The following ZEB2 variants were observed in gnomAD, a reference collection of about 807,000 sequenced individuals.
ZEB2 encodes the protein zinc finger E-box binding homeobox 2.
A neutral mutation model predicts 99.9 loss-of-function variants in ZEB2; 6 were observed. The ratio of observed to expected loss-of-function variants is 0.06; its 90% CI spans 0.03 to 0.12. The LOEUF is 0.12. Among genes scored for constraint, ZEB2 ranks in the 10% least tolerant of loss-of-function variants. ZEB2 has a pLI of 1.00. For missense variants in ZEB2, 969 were observed against 1,502.8 expected, an observed-to-expected ratio of 0.64 and a Z score of 5.87; for synonymous variants, 517 against 542.5, an observed-to-expected ratio of 0.95 and a Z score of 0.65.
chr2:144,463,737 G>A (rs1366643724), intron 2 of ZEB2: 3 of 152,128 alleles, frequency 2.0e-5, no homozygotes, highest in South Asian at 2.1e-4. Context: ...GGAGGCTAAT[G>A]CAGGAGGATG....
intron 2 of ZEB2, among the ~76,000 whole-genome samples, chr2:144,500,391 A>C (rs1464534536): frequency 1.3e-5 from 2 of 152,222 alleles, no homozygotes; most frequent in East Asian, 3.8e-4. Context: ...GTAACTGTAC[A>C]ATTTTTTTCT....
At chr2:144,494,427 T>C (rs1333902210) in intron 2 of ZEB2, 1 of 152,216 alleles carries the variant, frequency 6.6e-6, no homozygotes, top group Non-Finnish European at 1.5e-5. Flanking sequence ...AAGGCAGACA[T>C]TTCAATCAAA....
intron 2 of ZEB2, among the ~76,000 whole-genome samples, chr2:144,467,176 C>T (rs903108232): frequency 1.3e-5 from 2 of 151,092 alleles, no homozygotes; most frequent in Non-Finnish European, 3.0e-5. Context: ...AAAAAAAAGG[C>T]CTGTCTTTGA....
At chr2:144,488,321 CTGTT>C (rs1350133212) in intron 2 of ZEB2, among the ~76,000 whole-genome samples, 1 of 152,166 alleles carries the variant, frequency 6.6e-6, no homozygotes, top group Non-Finnish European at 1.5e-5. Context: ...GTAATGGAAA[CTGTT>C]TGGAGATTTA....
rs377609817 is a variant in ZEB2 at position 144,471,990 on chromosome 2, T to G, written c.74-41964A>C. On this transcript the variant is annotated intron_variant, in intron 2 of 9. Transcript: ENST00000627532. ...TCCTGATGTGAGATCTAAATAAGTA[T>G]GTAGAACACTTAAAATTCTTGCCAT... Among the ~76,000 whole-genome samples, 5 of 152,270 alleles carry G rather than the reference T, an allele frequency of 3.3e-5. No individual in the cohort carries two copies. In the East Asian group the frequency reaches 7.7e-4, roughly 24 times the overall value.
At chr2:144,502,740 C>T (rs1704892016) in intron 2 of ZEB2, among the ~76,000 whole-genome samples, 1 of 152,084 alleles carries the variant, frequency 6.6e-6, no homozygotes, top group African/African-American at 2.4e-5. Flanking sequence ...TTTAGATAGG[C>T]GAGCTGTTGC....
intron 8 of ZEB2, among the ~76,000 whole-genome samples, chr2:144,397,170 A>G (rs1039170732): frequency 2.6e-5 from 4 of 152,236 alleles, no homozygotes; most frequent in African/African-American, 9.6e-5. Context: ...AGCATTGAAC[A>G]TTAATGAATG....
At chr2:144,431,088 G>C (rs1430702301) in intron 2 of ZEB2, 2 of 152,040 alleles carry the variant, frequency 1.3e-5, no homozygotes, top group African/African-American at 4.8e-5. Flanking sequence ...AAGAGGGAGA[G>C]AGAAAGGGGG....
intron 2 of ZEB2, among the ~76,000 whole-genome samples, chr2:144,482,751 CT>C (rs66865728): frequency 7.4e-4 from 110 of 149,122 alleles, no homozygotes; most frequent in African/African-American, 2.2e-3. Flanking sequence ...TCTGATATTT[CT>C]TTTTTTTTTC....
intron 8 of ZEB2, 25 bp downstream of exon 8, chr2:144,398,276 A>G (rs765152213): frequency 5.0e-6 from 8 of 1,611,980 alleles, no homozygotes; most frequent in East Asian, 2.2e-5. Context: ...TTTTCTTCAT[A>G]GCAGAAAAAC....
At chr2:144,403,110 T>C (rs1326732164) in intron 6 of ZEB2, among the ~76,000 whole-genome samples, 1 of 152,222 alleles carries the variant, frequency 6.6e-6, no homozygotes, top group Non-Finnish European at 1.5e-5. Context: ...TGCAAACATA[T>C]CATAATATCA....
chr2:144,467,869 T>A (rs989729010), intron 2 of ZEB2, among the ~76,000 whole-genome samples: 2 of 152,184 alleles, frequency 1.3e-5, no homozygotes, highest in Non-Finnish European at 2.9e-5. Flanking sequence ...AAGATAGCAA[T>A]GCGTGCTGAT....
intron 2 of ZEB2, among the ~76,000 whole-genome samples, chr2:144,493,955 G>T (rs921512200): frequency 6.6e-6 from 1 of 151,666 alleles, no homozygotes; most frequent in Admixed American, 6.6e-5. Context: ...GATCGAGACC[G>T]TCCTGGCTAA....
At chr2:144,483,180 G>C (rs1704543937) in intron 2 of ZEB2, among the ~76,000 whole-genome samples, 1 of 126,614 alleles carries the variant, frequency 7.9e-6, no homozygotes, top group African/African-American at 3.0e-5. Context: ...TAAGACACTG[G>C]AAGCATACTG....
chr2:144,480,183 G>A (rs1407633520), intron 2 of ZEB2, among the ~76,000 whole-genome samples: 1 of 152,032 alleles, frequency 6.6e-6, no homozygotes, highest in Non-Finnish European at 1.5e-5. Flanking sequence ...GTGATATTAT[G>A]GCTCCCCATA....
chr2:144,396,001 G>C (rs1183637943), intron 9 of ZEB2, among the ~76,000 whole-genome samples: 2 of 151,186 alleles, frequency 1.3e-5, no homozygotes, highest in Non-Finnish European at 2.9e-5. Context: ...GGCTTTCTTG[G>C]TGTTTTGGAT....
Position 144,396,390 on chromosome 2 carries a change from A to G in ZEB2, c.3067+22T>C, listed in dbSNP as rs1046880234. 3 of 1,612,374 alleles carry G rather than the reference A, an allele frequency of 1.9e-6. No individual in the cohort carries two copies. In the African/African-American group the frequency reaches 4.0e-5, roughly 22 times the overall value. ...TACAGCAGGACGGGAAGCTCTAACC[A>G]GTTAGGCAAAGTCACTCATACCTGT... On this transcript the variant is annotated intron_variant, in intron 9 of 9. Transcript: ENST00000627532.
At chr2:144,466,918 T>C (rs1034019414) in intron 2 of ZEB2, among the ~76,000 whole-genome samples, 1 of 152,158 alleles carries the variant, frequency 6.6e-6, no homozygotes, top group East Asian at 1.9e-4. Flanking sequence ...GACATTATGC[T>C]GTAGGATGTG....
In ZEB2 at chr2:144,386,318, T is replaced by C. The variant is rs1332594324; in HGVS notation, c.*3133A>G. On this transcript the variant is annotated 3_prime_UTR_variant, in exon 10 of 10. Transcript: ENST00000627532. Reference sequence around the variant, plus strand: ...AAGAATCTTAAGACAAATCAAAAGTTTTTATTTTTCCCTAGAGTTAGAGGA... The same window carrying C: ...AAGAATCTTAAGACAAATCAAAAGTCTTTATTTTTCCCTAGAGTTAGAGGA... 6.6e-6 allele frequency: 1 copy of C among 152,110 alleles called. No homozygotes were observed. Among genetic ancestry groups the C allele is most frequent in the East Asian group, 1.9e-4 (1 of 5,194 alleles). The allele number at this position is 152,110 out of a possible 1,614,324, so 9.4% of individuals were successfully genotyped here.
Sources: allele counts gnomAD v4.1 joint callset (sites outside exome capture counted in the v4.1 genomes callset), GRCh38; gene constraint gnomAD v4.1.1; transcripts MANE v1.5; gene names NCBI Gene and HGNC (gene_info 2026-07-23, HGNC 2026-07-21).